Variants in TRAF3IP1 observed in about 807,000 individuals in gnomAD.
TRAF3IP1 encodes the protein TRAF3-interacting protein 1.
A neutral mutation model predicts 89.9 loss-of-function variants in TRAF3IP1; 53 were observed. The observed-to-expected ratio is 0.59, with a 90% CI of 0.47 to 0.74. The LOEUF is 0.74. Ranked by LOEUF, TRAF3IP1 falls within the 30% of genes least tolerant of loss-of-function variation. The pLI, the probability that TRAF3IP1 is intolerant of heterozygous loss-of-function variation, is 0.00. For missense variants in TRAF3IP1, 806 were observed against 866.1 expected, an observed-to-expected ratio of 0.93 and a Z score of 0.87; for synonymous variants, 311 against 322.1, an observed-to-expected ratio of 0.97 and a Z score of 0.37.
rs569480234 is a variant in TRAF3IP1 at position 238,349,365 on chromosome 2, C to T, written c.1408C>T (p.Arg470Trp). The stretch of plus-strand genomic sequence containing the variant: ...TGGGAGTGCAAGACCAGCCCCTCCC[C>T]GGGTCAAACGGCAAGACAGCATGGA... ...RPGSARPAPP[R>W]VKRQDSMEAL... Residue 470 changes from arginine (R) to tryptophan (W), a missense_variant, in exon 12 of 17, where the codon CGG becomes TGG. By Grantham distance (101) the Arg-to-Trp change is moderately radical. This residue lies in a region of TRAF3IP1 where 732 missense variants were observed against 780.5 expected (regional missense o/e 0.94). Transcript: ENST00000373327. The T allele has an allele frequency of 4.2e-5, 67 of 1,614,020 alleles. No individual in the cohort carries two copies. Among genetic ancestry groups the T allele is most frequent in the South Asian group, 7.7e-5 (7 of 91,090 alleles).
rs141247276 is a variant in TRAF3IP1 at position 238,330,251 on chromosome 2, A to G, written c.915+909A>G. The stretch of plus-strand genomic sequence containing the variant: ...CTTTTAGGCATCAGCAGATAAGTAC[A>G]ATAAGACCTGAGTTTACTGTAATTA... On this transcript the variant is annotated intron_variant, in intron 5 of 16. Coordinates refer to ENST00000373327, the MANE Select transcript of TRAF3IP1 (RefSeq NM_015650.4). Among the ~76,000 whole-genome samples, 280 of 152,346 alleles carry G rather than the reference A, an allele frequency of 1.8e-3. 3 individuals carry two copies. The highest frequency in any genetic ancestry group is 6.5e-3 in the African/African-American group (270 of 41,590).
chr2:238,326,460 A>C (rs1697836404), intron 3 of TRAF3IP1, among the ~76,000 whole-genome samples: 1 of 144,248 alleles, frequency 6.9e-6, no homozygotes, highest in African/African-American at 2.6e-5. Flanking sequence ...TCTCTCTTCC[A>C]CCTTTTCTCT....
chr2:238,326,554 CA>C (rs11334256), intron 3 of TRAF3IP1, among the ~76,000 whole-genome samples: 17,712 of 152,030 alleles, frequency 0.12, 1,757 homozygotes, highest in African/African-American at 0.27. Flanking sequence ...ACTTGGGTGT[CA>C]AGGCCTCAGG....
intron 15 of TRAF3IP1, among the ~76,000 whole-genome samples, chr2:238,390,118 A>G (rs1316681712): frequency 6.6e-6 from 1 of 152,200 alleles, no homozygotes; most frequent in Non-Finnish European, 1.5e-5. Context: ...GAGGCCAGCC[A>G]GGTAGGAGGC....
At position 238,325,468 on chromosome 2, in the gene TRAF3IP1, T is replaced by C. The variant is rs6723560; in HGVS notation, c.192+94T>C. The C allele has an allele frequency of 0.065, 82,607 of 1,271,678 alleles. 5,265 individuals carry two copies. Among genetic ancestry groups the C allele is most frequent in the African/African-American group, 0.3 (20,064 of 67,834 alleles). The allele number at this position is 1,271,678 out of a possible 1,614,324, so 78.8% of individuals were successfully genotyped here. On this transcript the variant is annotated intron_variant, in intron 2 of 16. Transcript: ENST00000373327. Reference sequence around the variant, plus strand: ...AGTGTGGCTTGTGTCATTTCTCTGCTGCATGTGGTTGGAATACAAGGTCAG... The same window carrying C: ...AGTGTGGCTTGTGTCATTTCTCTGCCGCATGTGGTTGGAATACAAGGTCAG...
rs1440018129 is a variant in TRAF3IP1, at chr2:238,398,871, A to G, written c.2028A>G (p.Glu676=). 6.2e-7 allele frequency: 1 copy of G among 1,613,222 alleles called. No homozygotes were observed. The highest frequency in any genetic ancestry group is 2.2e-5 in the East Asian group (1 of 44,876). Residue 676 remains glutamate (E), a synonymous_variant, in exon 17 of 17, where the codon GAA becomes GAG. Transcript: ENST00000373327. ...AVKANILKNE[E]KIQKMVYSIN... is the part of the protein sequence containing the mutation. ...AGGCCAACATCCTCAAGAATGAAGA[A>G]AAAATCCAGAAAATGGTATATAGTA... is the stretch of plus-strand genomic sequence containing the variant.
At chr2:238,384,380 G>GTATGTA (rs1553619335) in intron 15 of TRAF3IP1, among the ~76,000 whole-genome samples, 30,499 of 141,840 alleles carry the variant, frequency 0.22, 3,339 homozygotes, top group Non-Finnish European at 0.23. Flanking sequence ...ATGTATGTAT[G>GTATGTA]TATATATATA....
intron 5 of TRAF3IP1, among the ~76,000 whole-genome samples, chr2:238,332,187 G>T (rs1027934461): frequency 2.6e-5 from 4 of 152,116 alleles, no homozygotes; most frequent in African/African-American, 4.8e-5. Context: ...TATCGAACAG[G>T]CATTCTTTGC....
At chr2:238,321,593 A>G (rs1162321390) in intron 1 of TRAF3IP1, among the ~76,000 whole-genome samples, 1 of 152,158 alleles carries the variant, frequency 6.6e-6, no homozygotes, top group Non-Finnish European at 1.5e-5. Flanking sequence ...GCTTATTAGC[A>G]TGGCTCTGGT....
At chr2:238,370,345 C>T (rs1470181470) in intron 15 of TRAF3IP1, among the ~76,000 whole-genome samples, 1 of 151,686 alleles carries the variant, frequency 6.6e-6, no homozygotes, top group Non-Finnish European at 1.5e-5. Flanking sequence ...CGTATGTGTG[C>T]GTGTCTGAGT....
At chr2:238,370,838 T>C (rs1277201329) in intron 15 of TRAF3IP1, among the ~76,000 whole-genome samples, 1 of 152,228 alleles carries the variant, frequency 6.6e-6, no homozygotes, top group Non-Finnish European at 1.5e-5. Context: ...GAATGAATGA[T>C]AAAATGTGGG....
At chr2:238,321,136 C>T (rs938836255) in intron 1 of TRAF3IP1, among the ~76,000 whole-genome samples, 2 of 152,110 alleles carry the variant, frequency 1.3e-5, no homozygotes, top group Admixed American at 1.3e-4. Context: ...GGTCCTGCCC[C>T]TCCCCCGGCT....
intron 6 of TRAF3IP1, among the ~76,000 whole-genome samples, chr2:238,333,663 CT>C (rs1379411102): frequency 3.3e-5 from 5 of 152,120 alleles, no homozygotes; most frequent in African/African-American, 7.2e-5. Flanking sequence ...AAGTGGAGTC[CT>C]CATAAGCACA....
At chr2:238,383,562 G>A (rs1700636556) in intron 15 of TRAF3IP1, among the ~76,000 whole-genome samples, 1 of 152,172 alleles carries the variant, frequency 6.6e-6, no homozygotes, top group South Asian at 2.1e-4. Context: ...AATTAGAAAT[G>A]CTGAGATGAA....
intron 6 of TRAF3IP1, 49 bp from the exon 7 acceptor site, chr2:238,333,911 C>T (rs1021846630): frequency 2.1e-6 from 3 of 1,438,964 alleles, no homozygotes; most frequent in African/African-American, 2.8e-5. Flanking sequence ...GCTTATGATA[C>T]TGCTGTGTAA....
Position 238,398,860 on chromosome 2 carries a change from A to G in TRAF3IP1, c.2017A>G (p.Lys673Glu), listed in dbSNP as rs1701358312. 6.2e-7 allele frequency: 1 copy of G among 1,613,346 alleles called. No homozygotes were observed. Among genetic ancestry groups the G allele is most frequent in the African/African-American group, 1.3e-5 (1 of 74,970 alleles). The stretch of plus-strand genomic sequence containing the variant: ...CTGTGCTGTGAAGGCCAACATCCTC[A>G]AGAATGAAGAAAAAATCCAGAAAAT... ...KICAVKANIL[K>E]NEEKIQKMVY... The change falls in exon 17 of 17, where the codon AAG becomes GAG. Residue 673 changes from lysine (K) to glutamate (E), a missense_variant. By Grantham distance (56) the Lys-to-Glu change is moderately conservative (BLOSUM62 1). Around this residue, in one of 3 missense-constraint regions of TRAF3IP1, gnomAD observed 70 missense variants for 67.8 expected, o/e 1.03. Coordinates refer to ENST00000373327, the MANE Select transcript of TRAF3IP1 (RefSeq NM_015650.4).
chr2:238,322,141 ACCGTC>A (rs976805258), intron 1 of TRAF3IP1, among the ~76,000 whole-genome samples: 1 of 152,160 alleles, frequency 6.6e-6, no homozygotes, highest in African/African-American at 2.4e-5. Context: ...CCGCATCACC[ACCGTC>A]CCGTGAAGTA....
At chr2:238,354,782 C>G (rs1280724097) in intron 14 of TRAF3IP1, among the ~76,000 whole-genome samples, 1 of 152,006 alleles carries the variant, frequency 6.6e-6, no homozygotes, top group Non-Finnish European at 1.5e-5. Context: ...TCCTGAGTAA[C>G]TGGGATTACA....
At chr2:238,363,909 G>A (rs1482303480) in intron 15 of TRAF3IP1, among the ~76,000 whole-genome samples, 2 of 152,094 alleles carry the variant, frequency 1.3e-5, no homozygotes, top group South Asian at 2.1e-4. Flanking sequence ...GCAGCGAGCC[G>A]AGACTGCACC....
Sources: gnomAD v4.1 joint callset for allele counts (sites outside exome capture counted in the v4.1 genomes callset) on GRCh38, gnomAD v4.1.1 for gene constraint, gnomAD v4.1.1 regional missense constraint, MANE v1.5 for transcripts, NCBI Gene and HGNC (gene_info 2026-07-23, HGNC 2026-07-21) for gene names.